COMMD10: variants seen among roughly 807,000 people sequenced by gnomAD.
COMMD10 encodes COMM domain-containing protein 10.
A neutral mutation model predicts 28.9 loss-of-function variants in COMMD10; 33 were observed. That is an observed-to-expected ratio of 1.14 (90% confidence interval 0.87 to 1.53). The LOEUF (loss-of-function observed/expected upper bound fraction) is 1.53. Among genes scored for constraint, COMMD10 ranks in the 40% most tolerant of loss-of-function variants. The pLI is 0.00. For synonymous variants in COMMD10, 110 were observed against 81.7 expected (o/e 1.35, Z -1.87); for missense variants, 310 against 233.4 (o/e 1.33, Z -2.14).
chr5:116,292,294 T>G (rs374995981), intron 6 of COMMD10, among the ~76,000 whole-genome samples, 157 bp from the exon 7 acceptor site: 2 of 152,058 alleles, frequency 1.3e-5, no homozygotes, highest in African/African-American at 4.8e-5. Flanking sequence ...AAAAGAAAAA[T>G]ATTCTAAGTG....
At chr5:116,215,695 A>AATATATATATAT (rs58135204) in intron 5 of COMMD10, among the ~76,000 whole-genome samples, 10 of 133,822 alleles carry the variant, frequency 7.5e-5, no homozygotes, top group South Asian at 2.5e-4. Context: ...TAAAAAAAGA[A>AATATATATATAT]ATATATATAT....
intron 5 of COMMD10, among the ~76,000 whole-genome samples, chr5:116,219,799 C>A (rs1749198581): frequency 6.6e-6 from 1 of 152,084 alleles, no homozygotes; most frequent in Non-Finnish European, 1.5e-5. Context: ...ATGATGTAAT[C>A]TTATGGTTTT....
At position 116,179,039 on chromosome 5, in the gene COMMD10, G is replaced by A. The variant is rs566220159; in HGVS notation, c.510+44861G>A. On this transcript the variant is annotated intron_variant, in intron 5 of 6. Transcript: ENST00000274458. ...TAATACATCATGCTTCTGTCCCCAT[G>A]TTTACCTATGTAATTTTATGATTCC... Among the ~76,000 whole-genome samples the A allele has an allele frequency of 2.0e-5, 3 of 152,058 alleles. No homozygotes were observed. In the East Asian group the frequency reaches 5.8e-4, roughly 29 times the overall value.
At chr5:116,091,770 A>AT (rs1479047782) in intron 3 of COMMD10, among the ~76,000 whole-genome samples, 3 of 152,182 alleles carry the variant, frequency 2.0e-5, no homozygotes, top group African/African-American at 7.2e-5. Flanking sequence ...GCAGGATCAT[A>AT]TTTTTTGTGT....
chr5:116,280,251 G>A (rs1751036983), intron 5 of COMMD10, among the ~76,000 whole-genome samples: 1 of 151,792 alleles, frequency 6.6e-6, no homozygotes, highest in Non-Finnish European at 1.5e-5. Flanking sequence ...TCATAGAATT[G>A]GAAAGAATCT....
intron 5 of COMMD10, among the ~76,000 whole-genome samples, chr5:116,261,824 C>G (rs1341548634): frequency 1.3e-5 from 2 of 151,732 alleles, no homozygotes; most frequent in African/African-American, 2.4e-5. Flanking sequence ...CTCTGGATCT[C>G]TCTTCAACCT....
chr5:116,128,349 T>C (rs1057040277), intron 4 of COMMD10, among the ~76,000 whole-genome samples: 1 of 152,068 alleles, frequency 6.6e-6, no homozygotes, highest in African/African-American at 2.4e-5. Context: ...ATTATAAATA[T>C]TAGTGGCTTA....
chr5:116,228,508 A>G (rs1358114295), intron 5 of COMMD10, among the ~76,000 whole-genome samples: 1 of 151,982 alleles, frequency 6.6e-6, no homozygotes, highest in Non-Finnish European at 1.5e-5. Context: ...TAGGTTTCAA[A>G]AAATGTTTGA....
At chr5:116,143,065 T>G (rs1217000436) in intron 5 of COMMD10, among the ~76,000 whole-genome samples, 13 of 110,246 alleles carry the variant, frequency 1.2e-4, no homozygotes, top group Non-Finnish European at 1.7e-4. Context: ...AATGTGTGTT[T>G]TTGGTTTTTT....
chr5:116,150,587 G>A (rs1752492470), intron 5 of COMMD10, among the ~76,000 whole-genome samples: 1 of 135,336 alleles, frequency 7.4e-6, no homozygotes, highest in Non-Finnish European at 1.5e-5. Context: ...CTTGTAAGTT[G>A]CATTCCTAGG....
At chr5:116,207,344 G>A (rs1748839108) in intron 5 of COMMD10, among the ~76,000 whole-genome samples, 1 of 152,126 alleles carries the variant, frequency 6.6e-6, no homozygotes, top group Non-Finnish European at 1.5e-5. Context: ...CCACTGAAAT[G>A]AATAATTCCC....
At chr5:116,170,595 G>T (rs897304354) in intron 5 of COMMD10, among the ~76,000 whole-genome samples, 4 of 152,048 alleles carry the variant, frequency 2.6e-5, no homozygotes, top group African/African-American at 7.3e-5. Context: ...ATACTACAAG[G>T]CTACAGTAAC....
chr5:116,268,952 T>A (rs374131094), intron 5 of COMMD10, among the ~76,000 whole-genome samples: 1 of 137,144 alleles, frequency 7.3e-6, no homozygotes, highest in African/African-American at 2.8e-5. Flanking sequence ...TGTTGTGGGG[T>A]GGGGGGAAGG....
intron 5 of COMMD10, among the ~76,000 whole-genome samples, chr5:116,257,992 A>G (rs922844051): frequency 3.8e-4 from 58 of 151,682 alleles, no homozygotes; most frequent in Admixed American, 3.4e-3. Context: ...TTTTTGTCCA[A>G]TTTGTTTTAA....
intron 4 of COMMD10, among the ~76,000 whole-genome samples, chr5:116,111,722 T>C (rs1580453651): frequency 6.6e-6 from 1 of 152,192 alleles, no homozygotes; most frequent in African/African-American, 2.4e-5. Context: ...ATATCCCATG[T>C]GTTGATGAGA....
chr5:116,172,780 C>G (rs1161125487), intron 5 of COMMD10, among the ~76,000 whole-genome samples: 1 of 152,142 alleles, frequency 6.6e-6, no homozygotes, highest in East Asian at 1.9e-4. Flanking sequence ...TAAAATATTA[C>G]TAACCTTTCC....
At chr5:116,246,324 G>A (rs934801404) in intron 5 of COMMD10, among the ~76,000 whole-genome samples, 3 of 152,006 alleles carry the variant, frequency 2.0e-5, no homozygotes, top group African/African-American at 7.2e-5. Flanking sequence ...ACTGCTTAAA[G>A]AAATCAGAAG....
At chr5:116,097,124 C>T (rs1750493194) in intron 4 of COMMD10, among the ~76,000 whole-genome samples, 1 of 151,916 alleles carries the variant, frequency 6.6e-6, no homozygotes, top group Admixed American at 6.6e-5. Context: ...ACAGAAGCTT[C>T]TCTTTAAGAA....
intron 5 of COMMD10, among the ~76,000 whole-genome samples, chr5:116,279,086 A>C (rs558349360): frequency 1.3e-5 from 2 of 151,910 alleles, no homozygotes; most frequent in African/African-American, 4.8e-5. Flanking sequence ...TAGGATGTGC[A>C]TGCATGCAAT....
Sources: allele counts gnomAD v4.1 joint callset (sites outside exome capture counted in the v4.1 genomes callset), GRCh38; gene constraint gnomAD v4.1.1; transcripts MANE v1.5; gene names NCBI Gene and HGNC (gene_info 2026-07-23, HGNC 2026-07-21).